Variants in MYH3 observed in about 807,000 individuals in gnomAD.
MYH3 encodes myosin heavy chain 3, also known as myosin-3.
A neutral mutation model predicts 238.0 loss-of-function variants in MYH3; 130 were observed. The ratio of observed to expected loss-of-function variants is 0.55; its 90% confidence interval spans 0.47 to 0.63. MYH3 has a LOEUF of 0.63. Ranked by LOEUF, MYH3 falls within the 30% of genes least tolerant of loss-of-function variation. The pLI, the probability that MYH3 is intolerant of heterozygous loss-of-function variation, is 0.00. For missense variants in MYH3, 1,853 were observed against 2,374.9 expected (o/e 0.78, Z 4.57); for synonymous variants, 880 against 924.1 (o/e 0.95, Z 0.86).
At position 10,642,329 on chromosome 17, in the gene MYH3, G is replaced by C. The variant is rs1423900049; in HGVS notation, c.1889-19C>G. The C allele has an allele frequency of 6.2e-7, 1 of 1,613,960 alleles. No homozygotes were observed. The highest frequency in any genetic ancestry group is 1.7e-5 in the Admixed American group (1 of 60,000). On this transcript the variant is annotated intron_variant, in intron 16 of 40. Coordinates refer to ENST00000583535, the MANE Select transcript of MYH3 (RefSeq NM_002470.4). The surrounding 1 kb of genome is among the most constrained non-coding windows in gnomAD (Gnocchi z 5.4). ...CTGTCAGCTGAAAGCAATAAGGGAG[G>C]GCACGTGCTGTAGGTGAATCTAAAA...
rs2074206605 is a variant in MYH3 at position 10,635,544 on chromosome 17, T to C, written c.3995A>G (p.His1332Arg). The C allele has an allele frequency of 6.2e-7, 1 of 1,614,046 alleles. No individual in the cohort carries two copies. The highest frequency in any genetic ancestry group is 1.1e-5 in the South Asian group (1 of 91,078). Reference protein sequence around the residue: ...EENKAKNALAHALQSSRHDCD... With the variant: ...EENKAKNALARALQSSRHDCD... Reference sequence around the variant, plus strand: ...GTCGTGGCGGGAGGACTGCAGGGCGTGCGCCAGGGCGTTCTTGGCCTGCAG... The same window carrying C: ...GTCGTGGCGGGAGGACTGCAGGGCGCGCGCCAGGGCGTTCTTGGCCTGCAG... Residue 1332 changes from histidine (H) to arginine (R), a missense_variant, in exon 30 of 41, where the codon CAC becomes CGC. Coordinates refer to ENST00000583535, the MANE Select transcript of MYH3 (RefSeq NM_002470.4).
the MYH3 span, among the ~76,000 whole-genome samples, chr17:10,669,579 AAAAAAGAGGAGTTGAACT>A: frequency 6.6e-6 from 1 of 151,042 alleles, no homozygotes; most frequent in Admixed American, 6.6e-5. Flanking sequence ...AAAAAAAAAA[AAAAAAGAGGAGTTGAACT>A]AAATGACCTC....
chr17:10,651,973 C>T (rs1011970738), intron 4 of MYH3: 4 of 402,182 alleles, frequency 9.9e-6, no homozygotes, highest in Admixed American at 3.7e-5. Flanking sequence ...GATCTCTTGA[C>T]CTCATGATCC....
intron 14 of MYH3, 137 bp from the exon 15 acceptor site, chr17:10,643,133 T>G: frequency 5.4e-6 from 8 of 1,469,256 alleles, no homozygotes; most frequent in Non-Finnish European, 7.4e-6. Flanking sequence ...CTTCAAGGCC[T>G]GCCTCAGACC....
At chr17:10,651,445 G>T in intron 5 of MYH3, 67 bp downstream of exon 5, 1 of 1,610,596 alleles carries the variant, frequency 6.2e-7, no homozygotes, top group South Asian at 1.1e-5. Context: ...TGGGAGTAAG[G>T]GGCAACTGCC....
At chr17:10,656,029 C>T (rs995723172) in intron 2 of MYH3, 61 bp downstream of exon 2, 3 of 152,288 alleles carry the variant, frequency 2.0e-5, no homozygotes, top group African/African-American at 7.2e-5. Context: ...GAGAAAGGAA[C>T]TGGCAAGCTT....
At chr17:10,671,214 C>T in the MYH3 span, among the ~76,000 whole-genome samples, 1 of 151,978 alleles carries the variant, frequency 6.6e-6, no homozygotes, top group Non-Finnish European at 1.5e-5. Flanking sequence ...TTATGGATGC[C>T]CTAGAGTTGG....
the MYH3 span, among the ~76,000 whole-genome samples, chr17:10,667,680 T>TA: frequency 0.018 from 2,054 of 111,664 alleles, 45 homozygotes; most frequent in African/African-American, 0.049. Context: ...AGACTCTGTC[T>TA]AAAAAAAAAA....
chr17:10,675,039 C>T, the MYH3 span: 1 of 152,204 alleles, frequency 6.6e-6, no homozygotes, highest in South Asian at 2.1e-4. Flanking sequence ...GTCAGGGTCC[C>T]AGGGCCCTAG....
In MYH3 at chr17:10,647,299, ACT is replaced by A. The variant is rs778976896; in HGVS notation, c.800-21_800-20del. ...AGAAGATCTGGAACACAAACACAGG[ACT>A]CTCTTTCAAACTGTTCCCAGTTAAC... On this transcript the variant is annotated intron_variant, in intron 9 of 40. Coordinates refer to ENST00000583535, the MANE Select transcript of MYH3 (RefSeq NM_002470.4). 2.5e-5 allele frequency: 41 copies of A among 1,613,410 alleles called. No individual in the cohort carries two copies. The highest frequency in any genetic ancestry group is 3.3e-5 in the Non-Finnish European group (39 of 1,179,522).
At chr17:10,633,312 TAGG>T (rs963978251) in intron 33 of MYH3, among the ~76,000 whole-genome samples, 1 of 152,278 alleles carries the variant, frequency 6.6e-6, no homozygotes, top group Non-Finnish European at 1.5e-5. Flanking sequence ...TCATATTTCT[TAGG>T]AGCATAAAGC....
In MYH3 at chr17:10,652,437, T is replaced by C; in HGVS notation, c.331A>G (p.Thr111Ala). Residue 111 changes from threonine (T) to alanine (A), a missense_variant, in exon 4 of 41, where the codon ACA (threonine) becomes GCA (alanine). Thr to Ala is a moderately conservative substitution (Grantham distance 58). Coordinates refer to ENST00000583535, the MANE Select transcript of MYH3 (RefSeq NM_002470.4). Reference sequence around the variant, plus strand: ...TCGCTGACATAGATCATCCAAGATGTGTAACGGTCCTTCAGGTTGTACAGC... The same window carrying C: ...TCGCTGACATAGATCATCCAAGATGCGTAACGGTCCTTCAGGTTGTACAGC... ...AVLYNLKDRY[T>A]SWMIYTYSGL... 1 of 1,614,002 alleles carries C rather than the reference T, an allele frequency of 6.2e-7. No homozygotes were observed. Among genetic ancestry groups the C allele is most frequent in the Non-Finnish European group, 8.5e-7 (1 of 1,180,008 alleles).
At chr17:10,670,722 A>AT in the MYH3 span, among the ~76,000 whole-genome samples, 78,218 of 152,020 alleles carry the variant, frequency 0.51, 21,416 homozygotes, top group Middle Eastern at 0.63. This position sits in a 1 kb window ranked among gnomAD's most constrained non-coding sequence, Gnocchi z 7.0. Context: ...AGGTTTGGGT[A>AT]TTTTTTGTGC....
At chr17:10,647,756 G>C (rs1567560336) in intron 8 of MYH3, among the ~76,000 whole-genome samples, 2 of 152,130 alleles carry the variant, frequency 1.3e-5, no homozygotes. Flanking sequence ...TGTTGGCCAG[G>C]ATGGTCTCGA....
chr17:10,639,120 C>G lies in MYH3; in HGVS notation c.3172G>C (p.Gly1058Arg), dbSNP rs371579892. The G allele has an allele frequency of 1.2e-6, 2 of 1,614,148 alleles. No homozygotes were observed. Among genetic ancestry groups the G allele is most frequent in the South Asian group, 1.1e-5 (1 of 91,078 alleles). The change falls in exon 25 of 41, where the codon GGA (glycine) becomes CGA (arginine). Residue 1058 changes from glycine to arginine, a missense_variant. Gly to Arg is a moderately radical substitution (Grantham distance 125, BLOSUM62 -2). Transcript: ENST00000583535. The part of the protein sequence containing the change: ...DLERNKRKLE[G>R]DLKLAQESIL... ...GACTCTTGAGCAAGCTTCAAGTCTC[C>G]TTCCAATTTCCTTTTGTTCCTTTCC...
At chr17:10,649,795 C>T (rs1597491727) in intron 6 of MYH3, 110 bp from the exon 7 acceptor site, 4 of 923,952 alleles carry the variant, frequency 4.3e-6, no homozygotes, top group Non-Finnish European at 7.1e-6. Flanking sequence ...CTCTGACACA[C>T]ACTCACCACA....
rs149916956 is a variant in MYH3 at position 10,652,609 on chromosome 17, CTTTTTTTTTTTTTTTTT to C, written c.205-63_205-47del. On this transcript the variant is annotated intron_variant, in intron 3 of 40. Transcript: ENST00000583535. ...TGCTTCACTAAGATGGTCTGCACGTCTTTTTTTTTTTTTTTTTTTTTTTTTTTTTTGAGACGGAGTCT... is the reference window on the plus strand; with the variant it reads ...TGCTTCACTAAGATGGTCTGCACGTCTTTTTTTTTTTTTGAGACGGAGTCT... 8.4e-3 allele frequency: 3,577 copies of C among 427,046 alleles called. 1 individual carries two copies. The highest frequency in any genetic ancestry group is 0.01 in the Non-Finnish European group (2,777 of 267,480). The allele number at this position is 427,046 out of a possible 1,614,324, so 26.5% of individuals were successfully genotyped here.
At chr17:10,660,136 A>G (rs1217732865), upstream of MYH3, among the ~76,000 whole-genome samples, 1 of 152,144 alleles carries the variant, frequency 6.6e-6, no homozygotes, top group Non-Finnish European at 1.5e-5. Flanking sequence ...TCCTCTGTAA[A>G]ACGGGGGTGA....
rs372157425 is a variant in MYH3 at position 10,639,278 on chromosome 17, G to A, written c.3102+20C>T. On this transcript the variant is annotated intron_variant, in intron 24 of 40. Coordinates refer to ENST00000583535, the MANE Select transcript of MYH3 (RefSeq NM_002470.4). The stretch of plus-strand genomic sequence containing the variant: ...CCAACCCTGGAGTTCTGGGACTCCC[G>A]ATGAGCATTATTTACTTACGTCTTC... 1.9e-5 allele frequency: 30 copies of A among 1,614,074 alleles called. 1 individual carries two copies. Among genetic ancestry groups the A allele is most frequent in the African/African-American group, 2.7e-5 (2 of 75,040 alleles).
Sources: allele counts gnomAD v4.1 joint callset (sites outside exome capture counted in the v4.1 genomes callset), GRCh38; gene constraint gnomAD v4.1.1; non-coding constraint Gnocchi (gnomAD v3.1); transcripts MANE v1.5; gene names NCBI Gene and HGNC (gene_info 2026-07-23, HGNC 2026-07-21).